The following ZNF182 variants were observed in gnomAD, a reference collection of about 807,000 sequenced individuals.
ZNF182 encodes the protein zinc finger protein 21 (KOX 14).
Under a neutral mutation model 28.1 loss-of-function variants are expected in ZNF182, and 10 were observed. That is an observed-to-expected ratio of 0.36 (90% CI 0.22 to 0.60). The LOEUF (loss-of-function observed/expected upper bound fraction) is 0.60, where lower values mean the gene tolerates loss of function less well. Among genes scored for constraint, ZNF182 ranks in the 20% least tolerant of loss-of-function variants. ZNF182 has a pLI of 0.75. For synonymous variants in ZNF182, 156 were observed against 158.7 expected (o/e 0.98, Z 0.13); for missense variants, 352 against 453.2 (o/e 0.78, Z 2.03).
chrX:48,001,980 A>G (rs982112029), intron 3 of ZNF182, among the ~76,000 whole-genome samples: 1 of 112,030 alleles, frequency 8.9e-6, no homozygotes, highest in Non-Finnish European at 1.9e-5. Context: ...GTTAATTTAA[A>G]AAATAAAAAT....
intron 3 of ZNF182, among the ~76,000 whole-genome samples, chrX:48,000,283 C>T (rs1327291197): frequency 3.6e-5 from 4 of 110,389 alleles, no homozygotes; most frequent in Non-Finnish European, 3.8e-5. Flanking sequence ...GCAAAAGAGC[C>T]GGGCGCGGTG....
intron 3 of ZNF182, among the ~76,000 whole-genome samples, chrX:47,988,308 G>A (rs1160391162): frequency 2.7e-5 from 3 of 109,872 alleles, no homozygotes; most frequent in Admixed American, 9.7e-5. Flanking sequence ...CAGAGTGAGA[G>A]ACTGCCTCAA....
intron 3 of ZNF182, among the ~76,000 whole-genome samples, chrX:47,986,417 A>C (rs5953135): frequency 0.49 from 54,841 of 111,148 alleles, 9,865 homozygotes; most frequent in East Asian, 0.87. Flanking sequence ...ATCAGCACTT[A>C]AGTGTTGTTA....
Position 47,976,695 on chromosome X carries a change from C to G in ZNF182, c.1335G>C (p.Glu445Asp). 8.3e-7 allele frequency: 1 copy of G among 1,209,055 alleles called. No individual in the cohort carries two copies. Among genetic ancestry groups the G allele is most frequent in the South Asian group, 1.8e-5 (1 of 56,375 alleles). ...GGTAGGACTTCTGAGAGAAGGCTTT[C>G]TCACATTCATTACATTCAAAGGGTT... ...GEKPFECNEC[E>D]KAFSQKSYLM... The change falls in exon 6 of 6, where the codon GAG (glutamate) becomes GAC (aspartate). Residue 445 changes from glutamate (E) to aspartate (D), a missense_variant. Transcript: ENST00000376943.
At chrX:47,991,847 A>C (rs2058942865) in intron 3 of ZNF182, among the ~76,000 whole-genome samples, 1 of 111,301 alleles carries the variant, frequency 9.0e-6, no homozygotes, top group South Asian at 3.8e-4. Context: ...AACACAGCCT[A>C]GGTAGTCTCT....
chrX:47,987,704 A>G (rs1425958072), intron 3 of ZNF182, among the ~76,000 whole-genome samples: 1 of 112,356 alleles, frequency 8.9e-6, no homozygotes, highest in African/African-American at 3.2e-5. Flanking sequence ...GTAGACATAC[A>G]GATGTAGATA....
chrX:48,000,728 T>A (rs782686020), intron 3 of ZNF182, among the ~76,000 whole-genome samples: 76 of 111,715 alleles, frequency 6.8e-4, no homozygotes, highest in Non-Finnish European at 1.1e-3. Context: ...TTGGAAATTT[T>A]CCAAATTAAA....
At chrX:47,980,801 T>C (rs1556899011) in intron 5 of ZNF182, among the ~76,000 whole-genome samples, 1 of 112,147 alleles carries the variant, frequency 8.9e-6, no homozygotes, top group Non-Finnish European at 1.9e-5. Flanking sequence ...TGTTGGACTT[T>C]GGAACCAATA....
chrX:47,985,970 A>G (rs1449688709), intron 3 of ZNF182, among the ~76,000 whole-genome samples: 2 of 112,146 alleles, frequency 1.8e-5, no homozygotes, highest in African/African-American at 6.5e-5. Context: ...AGATGAAATC[A>G]GTCTAATACT....
intron 5 of ZNF182, among the ~76,000 whole-genome samples, chrX:47,981,717 G>A (rs1265494010): frequency 2.7e-5 from 3 of 110,984 alleles, no homozygotes. Flanking sequence ...TGGCTAACAC[G>A]GTGAAACCCC....
chrX:47,993,268 C>G (rs781789871), intron 3 of ZNF182, among the ~76,000 whole-genome samples: 1 of 112,351 alleles, frequency 8.9e-6, no homozygotes, highest in South Asian at 3.7e-4. Flanking sequence ...AGAAGGAAAC[C>G]CTGTACCCTC....
At position 47,975,904 on chromosome X, in the gene ZNF182, G is replaced by A. The variant is rs2058881560; in HGVS notation, c.*263C>T. ...CTGCAGCCTTGAGCACTCTCACTCT[G>A]AAATCTCCTGCACCAGTGCTTCATT... On this transcript the variant is annotated 3_prime_UTR_variant, in exon 6 of 6. Transcript: ENST00000376943. 1 of 279,349 alleles carries A rather than the reference G, an allele frequency of 3.6e-6. No individual in the cohort carries two copies. The highest frequency in any genetic ancestry group is 6.3e-6 in the Non-Finnish European group (1 of 159,715). 23.0% of individuals were successfully genotyped at this position (279,349 alleles called of 1,213,427 possible).
At chrX:47,998,305 A>G (rs888070807) in intron 3 of ZNF182, among the ~76,000 whole-genome samples, 21 of 111,120 alleles carry the variant, frequency 1.9e-4, no homozygotes, top group African/African-American at 6.9e-4. Flanking sequence ...AAGAAAGGCC[A>G]TATCATGAGT....
intron 5 of ZNF182, 142 bp downstream of exon 5, chrX:47,982,807 T>C (rs2058910590): frequency 2.0e-6 from 1 of 497,124 alleles, no homozygotes; most frequent in Non-Finnish European, 3.3e-6. Context: ...GTGTCTGAGG[T>C]GTTCATGTCC....
At chrX:47,980,832 T>C (rs910252299) in intron 5 of ZNF182, among the ~76,000 whole-genome samples, 1 of 112,122 alleles carries the variant, frequency 8.9e-6, no homozygotes, top group Non-Finnish European at 1.9e-5. Context: ...AACTATTTTA[T>C]ATAATCATAA....
rs1161347876 is a variant in ZNF182 at position 47,976,686 on chromosome X, G to A, written c.1344C>T (p.Phe448=). The change falls in exon 6 of 6, where the codon TTC becomes TTT. Residue 448 remains phenylalanine, a synonymous_variant. Coordinates refer to ENST00000376943, the MANE Select transcript of ZNF182 (RefSeq NM_001007088.2). ...PFECNECEKA[F]SQKSYLMLHQ... ...GCAGCATGAGGTAGGACTTCTGAGA[G>A]AAGGCTTTCTCACATTCATTACATT... The A allele has an allele frequency of 8.3e-7, 1 of 1,207,446 alleles. No homozygotes were observed. The highest frequency in any genetic ancestry group is 1.1e-6 in the Non-Finnish European group (1 of 893,845).
At chrX:47,991,103 G>A (rs1556900402) in intron 3 of ZNF182, among the ~76,000 whole-genome samples, 2 of 111,814 alleles carry the variant, frequency 1.8e-5, no homozygotes, top group Admixed American at 1.9e-4. Flanking sequence ...ACTATATGTA[G>A]AGGGAGAGTC....
Position 47,977,259 on chromosome X carries a change from C to T in ZNF182, c.771G>A (p.Gln257=), listed in dbSNP as rs2058888376. ...ECGKAFSQKS[Q]LIIHLRTHTG... The stretch of plus-strand genomic sequence containing the variant: ...TATGAGTTCGCAAGTGTATAATGAG[C>T]TGAGATTTTTGGCTAAAAGCTTTTC... The change falls in exon 6 of 6, where the codon CAG becomes CAA. Residue 257 remains glutamine (Q), a synonymous_variant. Transcript: ENST00000376943. 2 of 1,210,615 alleles carry T rather than the reference C, an allele frequency of 1.7e-6. No homozygotes were observed. The highest frequency in any genetic ancestry group is 3.5e-5 in the African/African-American group (2 of 57,593).
intron 5 of ZNF182, among the ~76,000 whole-genome samples, chrX:47,979,866 G>GGTGT (rs56350180): frequency 0.2 from 17,550 of 89,567 alleles, 1,609 homozygotes; most frequent in East Asian, 0.47. Context: ...GTGTGTGTGG[G>GGTGT]GTGTGTGTGT....
Sources: allele counts gnomAD v4.1 joint callset (sites outside exome capture counted in the v4.1 genomes callset), GRCh38; gene constraint gnomAD v4.1.1; transcripts MANE v1.5; gene names NCBI Gene and HGNC (gene_info 2026-07-23, HGNC 2026-07-21).